Variants in SLC25A48 observed in about 807,000 individuals in gnomAD.
The protein encoded by SLC25A48 is CTC-321K16.1.
Under a neutral mutation model 32.2 loss-of-function variants are expected in SLC25A48, and 29 were observed. The observed-to-expected ratio is 0.90, with a 90% confidence interval of 0.67 to 1.23. The LOEUF is 1.23. SLC25A48 is among the 50% of genes most tolerant of loss of function. SLC25A48 has a pLI of 0.00. For synonymous variants in SLC25A48, 164 were observed against 172.3 expected, an observed-to-expected ratio of 0.95 and a Z score of 0.38; for missense variants, 399 against 422.7, an observed-to-expected ratio of 0.94 and a Z score of 0.49.
At chr5:135,720,339 C>A (rs1754922201) in intron 3 of SLC25A48, among the ~76,000 whole-genome samples, 1 of 152,190 alleles carries the variant, frequency 6.6e-6, no homozygotes, top group South Asian at 2.1e-4. Context: ...GGCACAGAAG[C>A]ACTGGCTGGG....
intron 2 of SLC25A48, among the ~76,000 whole-genome samples, chr5:135,848,061 C>G (rs1759558319): frequency 1.3e-5 from 2 of 152,208 alleles, no homozygotes; most frequent in South Asian, 4.1e-4. Context: ...CCTGCTATCA[C>G]TGGGGGCCCT....
chr5:135,692,161 C>T (rs1374305336), intron 3 of SLC25A48, among the ~76,000 whole-genome samples: 1 of 152,004 alleles, frequency 6.6e-6, no homozygotes, highest in African/African-American at 2.4e-5. Flanking sequence ...ACTAAAAATA[C>T]AGAAAAATCA....
intron 3 of SLC25A48, among the ~76,000 whole-genome samples, chr5:135,721,915 C>T (rs955873025): frequency 2.6e-5 from 4 of 152,236 alleles, no homozygotes; most frequent in African/African-American, 9.6e-5. Context: ...GCTTTGGTGA[C>T]AAACATGTTG....
intron 3 of SLC25A48, among the ~76,000 whole-genome samples, chr5:135,635,155 C>T (rs1172041278): frequency 6.6e-6 from 1 of 152,162 alleles, no homozygotes; most frequent in Admixed American, 6.5e-5. Flanking sequence ...TGACTCTGCC[C>T]TCTGGCCTCT....
chr5:135,645,754 C>T (rs1241327811), intron 3 of SLC25A48, among the ~76,000 whole-genome samples: 1 of 152,190 alleles, frequency 6.6e-6, no homozygotes, highest in African/African-American at 2.4e-5. Context: ...TTCATAGTTC[C>T]AGCACTCAGG....
chr5:135,868,386 T>A (rs139757524), intron 4 of SLC25A48, among the ~76,000 whole-genome samples: 1 of 152,154 alleles, frequency 6.6e-6, no homozygotes, highest in East Asian at 1.9e-4. Context: ...ATGTTCCAGA[T>A]TGAAGCACTG....
intron 3 of SLC25A48, among the ~76,000 whole-genome samples, chr5:135,745,578 TTC>T (rs1755619494): frequency 6.6e-6 from 1 of 152,134 alleles, no homozygotes; most frequent in African/African-American, 2.4e-5. Context: ...AAAAAAAAGA[TTC>T]TCCCCCTGCC....
intron 3 of SLC25A48, among the ~76,000 whole-genome samples, chr5:135,745,586 C>T (rs966534716): frequency 2.0e-5 from 3 of 152,218 alleles, no homozygotes; most frequent in African/African-American, 4.8e-5. Context: ...GATTCTCCCC[C>T]TGCCTCCTGC....
At chr5:135,866,205 G>A (rs920731624) in intron 4 of SLC25A48, among the ~76,000 whole-genome samples, 5 of 152,160 alleles carry the variant, frequency 3.3e-5, no homozygotes, top group East Asian at 1.9e-4. Context: ...CCCACATACC[G>A]ACATACCCAC....
chr5:135,594,269 T>C (rs1751594466), intron 1 of SLC25A48, among the ~76,000 whole-genome samples: 1 of 152,218 alleles, frequency 6.6e-6, no homozygotes, highest in South Asian at 2.1e-4. Flanking sequence ...TTTGTTTAAA[T>C]TTCCCTTGGG....
intron 3 of SLC25A48, among the ~76,000 whole-genome samples, chr5:135,717,132 C>T (rs1754820445): frequency 6.6e-6 from 1 of 152,190 alleles, no homozygotes; most frequent in Admixed American, 6.5e-5. Flanking sequence ...GGGCAGATGT[C>T]GCTAGCATCA....
chr5:135,786,153 T>C (rs1052908453), intron 3 of SLC25A48, among the ~76,000 whole-genome samples: 32 of 151,140 alleles, frequency 2.1e-4, no homozygotes, highest in African/African-American at 7.5e-4. Context: ...GCTCCATGGA[T>C]CATATCCAAG....
chr5:135,813,525 A>T (rs191885368), intron 4 of SLC25A48, among the ~76,000 whole-genome samples: 2 of 152,194 alleles, frequency 1.3e-5, no homozygotes, highest in East Asian at 1.9e-4. Flanking sequence ...AAGGAGAGCT[A>T]TAAGACCCTT....
chr5:135,608,327 G>A (rs1751986923), intron 1 of SLC25A48, among the ~76,000 whole-genome samples: 1 of 152,206 alleles, frequency 6.6e-6, no homozygotes, highest in South Asian at 2.1e-4. Flanking sequence ...AGTGGCACGA[G>A]TTCTGTCATG....
At chr5:135,659,548 A>G (rs1316698848) in intron 3 of SLC25A48, among the ~76,000 whole-genome samples, 2 of 152,198 alleles carry the variant, frequency 1.3e-5, no homozygotes, top group Non-Finnish European at 2.9e-5. Context: ...ATCCAGTTCC[A>G]AAGTTGCTTT....
chr5:135,880,935 TC>T (rs773631680), intron 7 of SLC25A48, among the ~76,000 whole-genome samples: 7 of 150,912 alleles, frequency 4.6e-5, no homozygotes, highest in Non-Finnish European at 1.0e-4. Flanking sequence ...CTGCAGACCA[TC>T]CCCCACCCCC....
At chr5:135,630,067 A>G (rs1752520704) in intron 2 of SLC25A48, among the ~76,000 whole-genome samples, 1 of 152,148 alleles carries the variant, frequency 6.6e-6, no homozygotes, top group African/African-American at 2.4e-5. Flanking sequence ...ATTTGTTCTT[A>G]CCCGCAGCTT....
chr5:135,749,149 A>G (rs1463913917), intron 3 of SLC25A48, among the ~76,000 whole-genome samples: 1 of 152,042 alleles, frequency 6.6e-6, no homozygotes, highest in Non-Finnish European at 1.5e-5. Flanking sequence ...CTCTAGTCAC[A>G]CAGGGTTCTC....
intron 3 of SLC25A48, among the ~76,000 whole-genome samples, chr5:135,738,000 A>C (rs1389043054): frequency 6.6e-6 from 1 of 152,122 alleles, no homozygotes; most frequent in Non-Finnish European, 1.5e-5. Context: ...CAGGACCTTG[A>C]TACTTGGGAC....
Sources: gnomAD v4.1 joint callset for allele counts (sites outside exome capture counted in the v4.1 genomes callset) on GRCh38, gnomAD v4.1.1 for gene constraint, MANE v1.5 for transcripts, NCBI Gene and HGNC (gene_info 2026-07-23, HGNC 2026-07-21) for gene names.